Variants in CFAP47 observed in about 807,000 individuals in gnomAD.
CFAP47 encodes the protein cilia- and flagella-associated protein 47.
Under a neutral mutation model 148.1 loss-of-function variants are expected in CFAP47, and 29 were observed. The ratio of observed to expected loss-of-function variants is 0.20; its 90% CI spans 0.15 to 0.27. The LOEUF (loss-of-function observed/expected upper bound fraction) is 0.27. Ranked by LOEUF, CFAP47 falls within the 10% of genes least tolerant of loss-of-function variation. CFAP47 has a pLI of 1.00. For missense variants in CFAP47, 1,872 were observed against 1,697.5 expected (o/e 1.10, Z -1.81); for synonymous variants, 664 against 577.3 (o/e 1.15, Z -2.15).
chrX:36,043,217 A>G (rs2146729809), intron 25 of CFAP47, among the ~76,000 whole-genome samples: 1 of 112,206 alleles, frequency 8.9e-6, no homozygotes, highest in South Asian at 3.6e-4. Flanking sequence ...AAGTATTAAT[A>G]TATACAAATA....
At chrX:36,186,796 C>T (rs1555985725) in intron 40 of CFAP47, among the ~76,000 whole-genome samples, 1 of 110,947 alleles carries the variant, frequency 9.0e-6, no homozygotes, top group Non-Finnish European at 1.9e-5. Context: ...AAGTAGTTTC[C>T]ACTCCCTGAC....
chrX:36,193,872 G>A (rs1370788680), intron 42 of CFAP47, among the ~76,000 whole-genome samples: 1 of 111,193 alleles, frequency 9.0e-6, no homozygotes, highest in Non-Finnish European at 1.9e-5. Flanking sequence ...CTAATTGTCA[G>A]TTATTTATTT....
At chrX:36,070,404 C>T (rs1340866231) in intron 27 of CFAP47, among the ~76,000 whole-genome samples, 2 of 110,432 alleles carry the variant, frequency 1.8e-5, no homozygotes, top group African/African-American at 6.6e-5. Context: ...TGGGACTTGA[C>T]ACCAGGGTGG....
intron 33 of CFAP47, among the ~76,000 whole-genome samples, chrX:36,126,363 C>T (rs192600159): frequency 1.8e-5 from 2 of 111,122 alleles, no homozygotes; most frequent in East Asian, 5.7e-4. Flanking sequence ...TTTCTGTTCA[C>T]GTGATAGTTT....
At chrX:36,269,197 G>A (rs1556001496) in intron 49 of CFAP47, among the ~76,000 whole-genome samples, 3 of 111,906 alleles carry the variant, frequency 2.7e-5, no homozygotes, top group East Asian at 2.8e-4. Flanking sequence ...ATAGAAAAAG[G>A]TTACACTAAA....
chrX:36,320,453 C>T (rs1196871396), intron 57 of CFAP47, among the ~76,000 whole-genome samples: 2 of 111,817 alleles, frequency 1.8e-5, no homozygotes, highest in African/African-American at 6.5e-5. Context: ...TTTGCTACAA[C>T]TTCAAGGGAC....
intron 57 of CFAP47, among the ~76,000 whole-genome samples, chrX:36,331,451 C>T (rs1208283216): frequency 9.0e-6 from 1 of 110,770 alleles, no homozygotes; most frequent in African/African-American, 3.3e-5. Flanking sequence ...TTTATATTTC[C>T]AACTATAAAT....
chrX:35,957,629 T>G (rs1045291653), intron 8 of CFAP47, among the ~76,000 whole-genome samples: 8 of 112,179 alleles, frequency 7.1e-5, no homozygotes, highest in Non-Finnish European at 1.5e-4. Context: ...AGTCCAAGTC[T>G]CTTAAACCTA....
At chrX:36,069,028 C>T (rs1272748114) in intron 27 of CFAP47, among the ~76,000 whole-genome samples, 1 of 109,104 alleles carries the variant, frequency 9.2e-6, no homozygotes, top group Non-Finnish European at 1.9e-5. Context: ...CACTCTACTT[C>T]CAGGGGGAGG....
At chrX:35,987,045 C>G (rs1054321664) in intron 15 of CFAP47, among the ~76,000 whole-genome samples, 8 of 111,594 alleles carry the variant, frequency 7.2e-5, no homozygotes, top group African/African-American at 2.3e-4. Context: ...TCTGTTGACC[C>G]CTGCTGGGAG....
intron 7 of CFAP47, among the ~76,000 whole-genome samples, chrX:35,955,112 G>A (rs770540601): frequency 8.9e-4 from 99 of 111,573 alleles, no homozygotes; most frequent in African/African-American, 3.1e-3. Flanking sequence ...TTCCTCCTTC[G>A]TCTTCACTTG....
intron 60 of CFAP47, 54 bp downstream of exon 60, chrX:36,353,735 C>T: frequency 1.1e-6 from 1 of 935,611 alleles, no homozygotes. Flanking sequence ...ACTTAGTTTC[C>T]ATGAATTGCA....
intron 57 of CFAP47, among the ~76,000 whole-genome samples, chrX:36,324,938 C>CT (rs1428398311): frequency 1.5e-4 from 17 of 110,812 alleles, no homozygotes; most frequent in African/African-American, 5.2e-4. Context: ...TAGAAAATAA[C>CT]TTTTTATGGG....
At chrX:36,183,615 C>T (rs1368298140) in intron 40 of CFAP47, among the ~76,000 whole-genome samples, 1 of 111,979 alleles carries the variant, frequency 8.9e-6, no homozygotes, top group Non-Finnish European at 1.9e-5. Context: ...GACTCGTCTA[C>T]TTAAAAAGCC....
chrX:36,174,084 T>A (rs1419990993), intron 39 of CFAP47, among the ~76,000 whole-genome samples: 1 of 107,794 alleles, frequency 9.3e-6, no homozygotes, highest in Admixed American at 9.9e-5. Context: ...TGATCTTTGT[T>A]GGTTTAAAGT....
intron 6 of CFAP47, 91 bp downstream of exon 6, chrX:35,952,054 G>A (rs1334925325): frequency 2.1e-6 from 2 of 950,491 alleles, no homozygotes; most frequent in African/African-American, 4.1e-5. Context: ...TACTATAATA[G>A]TAAAACTTGC....
intron 46 of CFAP47, among the ~76,000 whole-genome samples, chrX:36,232,426 G>C (rs1940377926): frequency 9.0e-6 from 1 of 111,548 alleles, no homozygotes; most frequent in African/African-American, 3.3e-5. Flanking sequence ...ATTCTCTGAT[G>C]GTAGTTTGTA....
intron 30 of CFAP47, among the ~76,000 whole-genome samples, chrX:36,093,105 C>T (rs182059701): frequency 9.0e-6 from 1 of 111,384 alleles, no homozygotes; most frequent in Admixed American, 9.6e-5. Flanking sequence ...TTTTTGATGG[C>T]TGAATAGTAC....
chrX:36,325,464 C>T (rs1941510716), intron 57 of CFAP47, among the ~76,000 whole-genome samples: 1 of 111,588 alleles, frequency 9.0e-6, no homozygotes, highest in African/African-American at 3.3e-5. Flanking sequence ...ACATATAGAT[C>T]CCAGTATCAC....
Sources: gnomAD v4.1 joint callset for allele counts (sites outside exome capture counted in the v4.1 genomes callset) on GRCh38, gnomAD v4.1.1 for gene constraint, MANE v1.5 for transcripts, NCBI Gene and HGNC (gene_info 2026-07-23, HGNC 2026-07-21) for gene names.